Variants in C8B observed in about 807,000 individuals in gnomAD.
The protein encoded by C8B is complement component C8 beta chain.
In C8B, 67 loss-of-function variants were observed where a neutral mutation model predicts 64.6. That is an observed-to-expected ratio of 1.04 (90% CI 0.85 to 1.27). The LOEUF is 1.27. Among genes scored for constraint, C8B ranks in the 50% most tolerant of loss-of-function variants. C8B has a pLI of 0.00. For missense variants in C8B, 790 were observed against 725.2 expected, an observed-to-expected ratio of 1.09 and a Z score of -1.03; for synonymous variants, 284 against 257.7, an observed-to-expected ratio of 1.10 and a Z score of -0.98.
At chr1:56,959,654 G>T in intron 2 of C8B, 4 of 1,530,786 alleles carry the variant, frequency 2.6e-6, no homozygotes, top group South Asian at 2.4e-5. Context: ...TCCTGGACTT[G>T]ATCCTAAGGG....
chr1:56,942,100 C>T (rs1570382512), intron 8 of C8B, among the ~76,000 whole-genome samples: 1 of 152,208 alleles, frequency 6.6e-6, no homozygotes, highest in Non-Finnish European at 1.5e-5. Flanking sequence ...TGTATGAATG[C>T]ATTTGATCTT....
chr1:56,949,793 T>A (rs766528674), intron 5 of C8B, 41 bp from the exon 6 acceptor site: 1 of 1,376,362 alleles, frequency 7.3e-7, no homozygotes, highest in South Asian at 1.2e-5. Context: ...TTCATTTGAC[T>A]CAAATCAGTT....
chr1:56,951,372 C>G (rs1645018818), intron 5 of C8B, among the ~76,000 whole-genome samples: 1 of 152,196 alleles, frequency 6.6e-6, no homozygotes, highest in Non-Finnish European at 1.5e-5. Flanking sequence ...AAATTGGGAC[C>G]TGTGGCAGAG....
At chr1:56,959,675 A>C in intron 2 of C8B, 2 of 1,479,632 alleles carry the variant, frequency 1.4e-6, no homozygotes, top group African/African-American at 2.8e-5. Context: ...TCATGGGTAG[A>C]CTGTGAATGG....
rs538118458 is a variant in C8B, at chr1:56,938,140, T to C, written c.1398+2709A>G. 1.4e-4 allele frequency among the ~76,000 whole-genome samples: 22 copies of C among 152,368 alleles called. No homozygotes were observed. The East Asian group carries it at 4.1e-3, about 28-fold the overall frequency. ...ATTAATGTGTTTTCACATTTAATTT[T>C]GTCTCTTTCTTAGGAAGAGGTCTCT... On this transcript the variant is annotated intron_variant, in intron 9 of 11. Transcript: ENST00000371237.
chr1:56,951,961 G>GGATGTGTCCAAGGT, intron 5 of C8B, 87 bp downstream of exon 5: 1 of 1,402,876 alleles, frequency 7.1e-7, no homozygotes, highest in Non-Finnish European at 9.5e-7. Flanking sequence ...AGAGAAAAGG[G>GGATGTGTCCAAGGT]CTAGCAGGCT....
At chr1:56,955,598 T>C (rs1645091118) in intron 3 of C8B, among the ~76,000 whole-genome samples, 1 of 152,238 alleles carries the variant, frequency 6.6e-6, no homozygotes, top group Admixed American at 6.5e-5. Flanking sequence ...AATAGCAATC[T>C]GGCCTTCAAA....
chr1:56,929,632 T>C (rs1325342055), intron 11 of C8B, 74 bp from the exon 12 acceptor site: 3 of 1,450,862 alleles, frequency 2.1e-6, no homozygotes, highest in East Asian at 4.6e-5. Flanking sequence ...TTGGGTGAGC[T>C]ATGTAAGCCA....
intron 9 of C8B, among the ~76,000 whole-genome samples, chr1:56,937,747 C>T (rs1488083267): frequency 6.7e-6 from 1 of 149,764 alleles, no homozygotes; most frequent in East Asian, 1.9e-4. Context: ...CCTTATTTAC[C>T]TGAAATTCAA....
chr1:56,951,768 C>A (rs1353990150), intron 5 of C8B, among the ~76,000 whole-genome samples: 5 of 152,320 alleles, frequency 3.3e-5, no homozygotes, highest in South Asian at 2.1e-4. Flanking sequence ...GCAGAGCCAC[C>A]AAGTCAGTGT....
chr1:56,941,767 G>A (rs1227141823), intron 8 of C8B, among the ~76,000 whole-genome samples: 1 of 152,288 alleles, frequency 6.6e-6, no homozygotes, highest in East Asian at 1.9e-4. Flanking sequence ...AGGTCTGCCT[G>A]GTTTCATAGC....
chr1:56,956,052 T>G (rs530114464), intron 3 of C8B, among the ~76,000 whole-genome samples: 2 of 152,294 alleles, frequency 1.3e-5, no homozygotes, highest in Non-Finnish European at 2.9e-5. Context: ...TCCTTTTTTC[T>G]TTTCTTCCTT....
At chr1:56,948,238 G>T (rs1361073569) in intron 6 of C8B, among the ~76,000 whole-genome samples, 2 of 152,164 alleles carry the variant, frequency 1.3e-5, no homozygotes, top group Non-Finnish European at 2.9e-5. Context: ...TGTGTTTGAA[G>T]GGGAAAGCTA....
chr1:56,941,487 GATA>G (rs1469165996), intron 8 of C8B, among the ~76,000 whole-genome samples: 1 of 144,718 alleles, frequency 6.9e-6, no homozygotes, highest in Non-Finnish European at 1.5e-5. Flanking sequence ...GATAATAGTA[GATA>G]ATAGTAGATA....
At position 56,952,123 on chromosome 1, in the gene C8B, T is replaced by G; in HGVS notation, c.591A>C (p.Ala197=). ...GGATGTAATGCGGGGAGCATCCACC[T>G]GCATAATACCTGTGATCAAGAACTG... ...EGPVLDHRYY[A]GGCSPHYILN... Residue 197 remains alanine (A), a synonymous_variant, in exon 5 of 12, where the codon GCA becomes GCC. Transcript: ENST00000371237. 1 of 1,614,154 alleles carries G rather than the reference T, an allele frequency of 6.2e-7. No homozygotes were observed. Among genetic ancestry groups the G allele is most frequent in the South Asian group, 1.1e-5 (1 of 91,084 alleles).
At chr1:56,947,846 G>A (rs561529381) in intron 6 of C8B, among the ~76,000 whole-genome samples, 77 of 152,048 alleles carry the variant, frequency 5.1e-4, no homozygotes, top group Non-Finnish European at 8.8e-4. Flanking sequence ...CAGGAGAATC[G>A]CTTGAACCCG....
rs55655103 is a variant in C8B, at chr1:56,956,700, G to A, written c.391+69C>T. Reference sequence around the variant, plus strand: ...TGATCTTGAGCACTGGACATGGCCTGTCCCTTGGTCATCAAGAACCATTAC... The same window carrying A: ...TGATCTTGAGCACTGGACATGGCCTATCCCTTGGTCATCAAGAACCATTAC... On this transcript the variant is annotated intron_variant, in intron 3 of 11. Transcript: ENST00000371237. 3.8e-6 allele frequency: 6 copies of A among 1,565,438 alleles called. No individual in the cohort carries two copies. In the East Asian group the frequency reaches 9.0e-5, roughly 23 times the overall value.
intron 7 of C8B, among the ~76,000 whole-genome samples, chr1:56,945,252 A>G (rs1437346320): frequency 6.6e-6 from 1 of 152,240 alleles, no homozygotes; most frequent in Non-Finnish European, 1.5e-5. Context: ...TAGGAAAAAT[A>G]GAAAATATAA....
rs991808081 is a variant in C8B at position 56,961,911 on chromosome 1, C to A, written c.93-1735G>T. On this transcript the variant is annotated intron_variant, in intron 1 of 11. Coordinates refer to ENST00000371237, the MANE Select transcript of C8B (RefSeq NM_000066.4). ...GTTACTTGAGGCAGGATGCTACACA[C>A]CAGTGGGGGGCTTCAGAGTGTGTTC... 3.9e-5 allele frequency among the ~76,000 whole-genome samples: 6 copies of A among 152,138 alleles called. No homozygotes were observed. In the South Asian group the frequency reaches 6.2e-4, roughly 16 times the overall value.
Sources: allele counts gnomAD v4.1 joint callset (sites outside exome capture counted in the v4.1 genomes callset), GRCh38; gene constraint gnomAD v4.1.1; transcripts MANE v1.5; gene names NCBI Gene and HGNC (gene_info 2026-07-23, HGNC 2026-07-21).